PGM1: variants seen among roughly 807,000 people sequenced by gnomAD.
The protein encoded by PGM1 is phosphoglucomutase 1.
PGM1 carries 52 observed loss-of-function variants against 55.6 expected under a neutral mutation model. The ratio of observed to expected loss-of-function variants is 0.94; its 90% CI spans 0.75 to 1.18. The LOEUF is 1.18. Among genes scored for constraint, PGM1 ranks in the 50% most tolerant of loss-of-function variants. The probability of loss-of-function intolerance (pLI) is 0.00; values close to 1 mark genes in which losing one functional copy is unlikely to be tolerated. For synonymous variants in PGM1, 287 were observed against 271.7 expected (o/e 1.06, Z -0.55); for missense variants, 724 against 729.3 (o/e 0.99, Z 0.08).
chr1:63,635,072 C>T (rs2100987776), intron 5 of PGM1, 53 bp downstream of exon 5: 12 of 1,495,210 alleles, frequency 8.0e-6, no homozygotes, highest in Non-Finnish European at 1.1e-5. Context: ...CCTGATCCTG[C>T]AGATGGGGAA....
At chr1:63,651,539 T>C in intron 8 of PGM1, 130 bp from the exon 9 acceptor site, 1 of 803,754 alleles carries the variant, frequency 1.2e-6, no homozygotes. Context: ...CTGTATTTTT[T>C]TTGCCAGCTT....
intron 7 of PGM1, among the ~76,000 whole-genome samples, chr1:63,647,342 T>C (rs1231637913): frequency 5.2e-5 from 7 of 135,520 alleles, no homozygotes; most frequent in African/African-American, 1.9e-4. Context: ...CTATCCACTT[T>C]TAAACAACCA....
At chr1:63,598,343 T>C (rs1220575889) in intron 1 of PGM1, among the ~76,000 whole-genome samples, 1 of 152,160 alleles carries the variant, frequency 6.6e-6, no homozygotes, top group African/African-American at 2.4e-5. Context: ...CAAAATTATA[T>C]TGAAGTATAA....
intron 1 of PGM1, among the ~76,000 whole-genome samples, chr1:63,609,644 T>C (rs958079646): frequency 6.6e-6 from 1 of 152,146 alleles, no homozygotes; most frequent in African/African-American, 2.4e-5. Flanking sequence ...TTTGATCTTT[T>C]CTCAGGCTAG....
At chr1:63,603,142 T>C (rs570131567) in intron 1 of PGM1, among the ~76,000 whole-genome samples, 22 of 152,360 alleles carry the variant, frequency 1.4e-4, no homozygotes, top group African/African-American at 5.1e-4. Flanking sequence ...GCACTAAAAA[T>C]GTACCTCATG....
chr1:63,597,486 A>G (rs964662624), intron 1 of PGM1, among the ~76,000 whole-genome samples: 1 of 152,184 alleles, frequency 6.6e-6, no homozygotes, highest in African/African-American at 2.4e-5. Context: ...ACACAATCCA[A>G]CGTGATGCAG....
chr1:63,617,477 C>T (rs1254318200), intron 1 of PGM1, among the ~76,000 whole-genome samples: 4 of 151,982 alleles, frequency 2.6e-5, no homozygotes, highest in Admixed American at 6.6e-5. Flanking sequence ...GGAGGCCAGG[C>T]GGGCAGATCG....
intron 8 of PGM1, among the ~76,000 whole-genome samples, chr1:63,650,665 C>A (rs2101000167): frequency 6.6e-6 from 1 of 152,322 alleles, no homozygotes; most frequent in Non-Finnish European, 1.5e-5. Flanking sequence ...AAATAACTCT[C>A]TCAAGAGGGT....
intron 10 of PGM1, among the ~76,000 whole-genome samples, chr1:63,657,569 C>T (rs1412080781): frequency 1.3e-5 from 2 of 152,134 alleles, no homozygotes; most frequent in Admixed American, 6.5e-5. Flanking sequence ...TGTTGTCCAA[C>T]GTATCTCTAA....
In PGM1 at chr1:63,651,799, G is replaced by A. The variant is rs148979330; in HGVS notation, c.1411G>A (p.Ala471Thr). 1.5e-5 allele frequency: 24 copies of A among 1,613,928 alleles called. No homozygotes were observed. The highest frequency in any genetic ancestry group is 3.3e-5 in the Admixed American group (2 of 60,002). The change falls in exon 9 of 11, where the codon GCC becomes ACC. Residue 471 changes from alanine (A) to threonine (T), a missense_variant. Physicochemically the swap from Ala to Thr is moderately conservative, Grantham distance 58. Transcript: ENST00000371084. ...ANDKVYTVEKADNFEYSDPVD... is the reference protein window; with the variant it reads ...ANDKVYTVEKTDNFEYSDPVD... Reference sequence around the variant, plus strand: ...TGACAAAGTTTACACTGTGGAGAAGGCCGATAACTTTGAATACAGCGACCC... The same window carrying A: ...TGACAAAGTTTACACTGTGGAGAAGACCGATAACTTTGAATACAGCGACCC...
intron 6 of PGM1, 138 bp downstream of exon 6, chr1:63,636,526 G>A: frequency 1.0e-6 from 1 of 962,200 alleles, no homozygotes; most frequent in Non-Finnish European, 1.7e-6. Context: ...CGATTCTTGT[G>A]TGAGGGGATG....
Position 63,659,918 on chromosome 1 carries a change from C to T in PGM1, c.*243C>T. On this transcript the variant is annotated 3_prime_UTR_variant, in exon 11 of 11. Transcript: ENST00000371084. ...TTCCTTTTCATGCCCTCCTGCATTG[C>T]TGCTGCGTGGGTATTTGTCTCCTTA... 1 of 597,702 alleles carries T rather than the reference C, an allele frequency of 1.7e-6. No homozygotes were observed. The highest frequency in any genetic ancestry group is 3.0e-6 in the Non-Finnish European group (1 of 330,332). The allele number at this position is 597,702 out of a possible 1,614,324, so 37.0% of individuals were successfully genotyped here.
chr1:63,598,269 G>A lies in PGM1; in HGVS notation c.246+4535G>A, dbSNP rs150235300. Among the ~76,000 whole-genome samples, 16 of 152,282 alleles carry A rather than the reference G, an allele frequency of 1.1e-4. No homozygotes were observed. In the South Asian group the frequency reaches 1.9e-3, roughly 18 times the overall value. ...GCTGGGATTACAAGTGTGAGCCATC[G>A]TGCCGGGCAGAGTATTTTTATTTTT... On this transcript the variant is annotated intron_variant, in intron 1 of 10. Transcript: ENST00000371084.
chr1:63,627,579 G>A (rs1186963927), intron 1 of PGM1, among the ~76,000 whole-genome samples: 1 of 152,140 alleles, frequency 6.6e-6, no homozygotes, highest in Non-Finnish European at 1.5e-5. Context: ...GCTCAAGAGA[G>A]AAGCTACCTT....
chr1:63,594,116 G>A, intron 1 of PGM1: 1 of 1,009,350 alleles, frequency 9.9e-7, no homozygotes, highest in Non-Finnish European at 1.2e-6. Flanking sequence ...CGATTACGGC[G>A]CAGAGTGCTG....
chr1:63,617,505 G>A (rs892168172), intron 1 of PGM1, among the ~76,000 whole-genome samples: 4 of 151,882 alleles, frequency 2.6e-5, no homozygotes, highest in African/African-American at 4.8e-5. Flanking sequence ...TGAGGAGTTC[G>A]AGACCAGCCT....
At chr1:63,616,662 A>G (rs1407946116) in intron 1 of PGM1, among the ~76,000 whole-genome samples, 1 of 152,188 alleles carries the variant, frequency 6.6e-6, no homozygotes, top group Non-Finnish European at 1.5e-5. Flanking sequence ...ATGGACAGCC[A>G]ACTGACGCGT....
intron 10 of PGM1, among the ~76,000 whole-genome samples, chr1:63,658,900 CAAGA>C: frequency 6.6e-6 from 1 of 152,240 alleles, no homozygotes; most frequent in South Asian, 2.1e-4. Context: ...TGGTGGAAGG[CAAGA>C]AAGAGCAAGT....
chr1:63,627,015 T>G (rs1649035723), intron 1 of PGM1, among the ~76,000 whole-genome samples: 1 of 150,670 alleles, frequency 6.6e-6, no homozygotes, highest in African/African-American at 2.4e-5. Flanking sequence ...CTTAGCATAA[T>G]GTCCTCAAGG....
Sources: gnomAD v4.1 joint callset for allele counts (sites outside exome capture counted in the v4.1 genomes callset) on GRCh38, gnomAD v4.1.1 for gene constraint, MANE v1.5 for transcripts, NCBI Gene and HGNC (gene_info 2026-07-23, HGNC 2026-07-21) for gene names.